The following PCDHA8 variants were observed in gnomAD, a reference collection of about 807,000 sequenced individuals.
The protein encoded by PCDHA8 is protocadherin alpha 8.
Under a neutral mutation model 61.8 loss-of-function variants are expected in PCDHA8, and 53 were observed. That is an observed-to-expected ratio of 0.86 (90% confidence interval 0.69 to 1.08). The LOEUF is 1.08. Among genes scored for constraint, PCDHA8 ranks in the 50% least tolerant of loss-of-function variants. PCDHA8 has a pLI of 0.00. For missense variants in PCDHA8, 1,293 were observed against 1,245.0 expected (o/e 1.04, Z -0.58); for synonymous variants, 618 against 556.6 (o/e 1.11, Z -1.55).
chr5:140,923,566 C>T lies in PCDHA8; in HGVS notation c.2395-55383C>T, dbSNP rs149499154. ...AAATGAAATATCAGCAATGAAAGGT[C>T]CTGCTAAAGAGAAGGTTTGTTAATT... On this transcript the variant is annotated intron_variant, in intron 1 of 3. Coordinates refer to ENST00000531613, the MANE Select transcript of PCDHA8 (RefSeq NM_018911.3). 8.1e-3 allele frequency among the ~76,000 whole-genome samples: 1,228 copies of T among 152,208 alleles called. 6 individuals carry two copies. The highest frequency in any genetic ancestry group is 0.019 in the African/African-American group (794 of 41,538).
At chr5:140,993,459 TTCTCAC>T (rs2097559303) in intron 3 of PCDHA8, among the ~76,000 whole-genome samples, 1 of 83,038 alleles carries the variant, frequency 1.2e-5, no homozygotes, top group African/African-American at 4.6e-5. Context: ...CCTTCTTTCT[TTCTCAC>T]ACACACACAC....
Position 140,841,234 on chromosome 5 carries a change from C to A in PCDHA8, c.-88C>A. On this transcript the variant is annotated 5_prime_UTR_variant, in exon 1 of 4. Coordinates refer to ENST00000531613, the MANE Select transcript of PCDHA8 (RefSeq NM_018911.3). ...TCTAAAGGCCGAACAACGGGAGATG[C>A]AGCGGAATTGGATTAAAAGACTCTG... 6.8e-7 allele frequency: 1 copy of A among 1,471,288 alleles called. No homozygotes were observed. 91.1% of individuals were successfully genotyped at this position (1,471,288 alleles called of 1,614,324 possible). A position where few individuals can be genotyped will look rare whatever the true frequency, so the allele number is the denominator to read the frequency against.
Position 140,869,807 on chromosome 5 carries a change from T to C in PCDHA8, c.2394+26092T>C, listed in dbSNP as rs545569437. ...CGGCTGTTAGTCCAAGTCTTGGATGTCAACGACAATGATCCAGAGTTTGAT... is the reference window on the plus strand; with the variant it reads ...CGGCTGTTAGTCCAAGTCTTGGATGCCAACGACAATGATCCAGAGTTTGAT... On this transcript the variant is annotated intron_variant, in intron 1 of 3. Transcript: ENST00000531613. 8.1e-6 allele frequency: 13 copies of C among 1,612,544 alleles called. No individual in the cohort carries two copies. In the African/African-American group the frequency reaches 1.6e-4, roughly 20 times the overall value.
intron 1 of PCDHA8, chr5:140,863,175 C>T (rs1562576204): frequency 1.4e-6 from 1 of 718,568 alleles, no homozygotes; most frequent in South Asian, 1.3e-5. Context: ...CGCTGACTGC[C>T]ACCGTCACCG....
chr5:140,981,917 A>G (rs1465971302), intron 2 of PCDHA8, among the ~76,000 whole-genome samples: 1 of 152,218 alleles, frequency 6.6e-6, no homozygotes, highest in Non-Finnish European at 1.5e-5. Flanking sequence ...GTGGTGATCA[A>G]GTTTCTCTAG....
At chr5:140,928,868 C>G (rs374918492) in intron 1 of PCDHA8, 32 of 1,614,062 alleles carry the variant, frequency 2.0e-5, no homozygotes, top group Non-Finnish European at 2.6e-5. Context: ...TTGAGCAACT[C>G]TGTCCCTCAG....
chr5:140,926,953 C>T, intron 1 of PCDHA8: 1 of 1,596,706 alleles, frequency 6.3e-7, no homozygotes, highest in Non-Finnish European at 8.6e-7. Flanking sequence ...TGCAGCGGGA[C>T]AGCTCGAGTA....
At chr5:140,998,850 A>G (rs904977478) in intron 3 of PCDHA8, among the ~76,000 whole-genome samples, 18 of 152,234 alleles carry the variant, frequency 1.2e-4, no homozygotes, top group Non-Finnish European at 2.1e-4. Context: ...GGTGTGAGCC[A>G]CATGCCTGGC....
At chr5:140,871,852 T>A (rs767921370) in intron 1 of PCDHA8, among the ~76,000 whole-genome samples, 12 of 152,354 alleles carry the variant, frequency 7.9e-5, no homozygotes, top group African/African-American at 2.4e-4. Flanking sequence ...ATTATGACCA[T>A]AATAACTATG....
At chr5:140,865,342 T>C (rs1437907469) in intron 1 of PCDHA8, 1 of 152,320 alleles carries the variant, frequency 6.6e-6, no homozygotes, top group African/African-American at 2.4e-5. Context: ...AAAGAAATAG[T>C]ATATTTACAT....
chr5:141,009,923 A>T lies in PCDHA8; in HGVS notation c.2839A>T (p.Asn947Tyr), dbSNP rs1463725058. The change falls in exon 4 of 4, where the codon AAC becomes TAC. Residue 947 changes from asparagine (N) to tyrosine (Y), a missense_variant. By Grantham distance (143) the Asn-to-Tyr change is moderately radical. Coordinates refer to ENST00000531613, the MANE Select transcript of PCDHA8 (RefSeq NM_018911.3). ...KKEKGNSTTD[N>Y]SDQ ...AGAGAAAGGGAACAGCACGACTGAC[A>T]ACAGTGACCAGTGAGGTCCTCAAAT... 6.2e-7 allele frequency: 1 copy of T among 1,608,790 alleles called. No homozygotes were observed. The highest frequency in any genetic ancestry group is 8.5e-7 in the Non-Finnish European group (1 of 1,178,528).
chr5:140,957,159 C>G (rs2095337596), intron 1 of PCDHA8, among the ~76,000 whole-genome samples: 1 of 151,974 alleles, frequency 6.6e-6, no homozygotes, highest in Non-Finnish European at 1.5e-5. Flanking sequence ...GGAGACAAAT[C>G]TAAGTATATA....
chr5:140,897,636 C>A (rs2066236074), intron 1 of PCDHA8, among the ~76,000 whole-genome samples: 1 of 152,038 alleles, frequency 6.6e-6, no homozygotes, highest in African/African-American at 2.4e-5. Context: ...GTGTATAGTG[C>A]CACAATAAAC....
intron 1 of PCDHA8, among the ~76,000 whole-genome samples, chr5:140,871,781 T>C (rs2053304252): frequency 6.6e-6 from 1 of 152,238 alleles, no homozygotes. Flanking sequence ...CTGTAGTCAC[T>C]TGAGTAGAAA....
At chr5:140,863,497 C>A in intron 1 of PCDHA8, 1 of 434,948 alleles carries the variant, frequency 2.3e-6, no homozygotes, top group South Asian at 1.8e-5. Context: ...AACATTACGG[C>A]TTTTAGTCCT....
Position 140,842,811 on chromosome 5 carries a change from G to A in PCDHA8, c.1490G>A (p.Arg497Gln). ...NALVSYSLVE[R>Q]RVGERSLSSY... ...CTGGTGTCCTACTCGCTTGTGGAGC[G>A]GCGGGTGGGCGAGCGCTCGCTGTCG... is the stretch of plus-strand genomic sequence containing the variant. Residue 497 changes from arginine to glutamine, a missense_variant, in exon 1 of 4, where the codon CGG becomes CAG. Coordinates refer to ENST00000531613, the MANE Select transcript of PCDHA8 (RefSeq NM_018911.3). 6.3e-7 allele frequency: 1 copy of A among 1,594,024 alleles called. No homozygotes were observed. The highest frequency in any genetic ancestry group is 8.6e-7 in the Non-Finnish European group (1 of 1,165,372).
intron 1 of PCDHA8, among the ~76,000 whole-genome samples, chr5:140,908,581 G>A (rs2074042639): frequency 6.6e-6 from 1 of 152,178 alleles, no homozygotes; most frequent in Non-Finnish European, 1.5e-5. Context: ...AAGGAGAGTA[G>A]TTAGCTGCAG....
intron 1 of PCDHA8, among the ~76,000 whole-genome samples, chr5:140,977,004 A>C (rs1554238156): frequency 6.6e-6 from 1 of 152,222 alleles, no homozygotes; most frequent in East Asian, 1.9e-4. Flanking sequence ...GAAATCTTGT[A>C]ACTGTGATTC....
intron 1 of PCDHA8, among the ~76,000 whole-genome samples, chr5:140,900,662 G>C (rs2068213556): frequency 6.6e-6 from 1 of 152,190 alleles, no homozygotes; most frequent in South Asian, 2.1e-4. Flanking sequence ...ATGAACAATG[G>C]GAGTGCAGTT....
Sources: allele counts gnomAD v4.1 joint callset (sites outside exome capture counted in the v4.1 genomes callset), GRCh38; gene constraint gnomAD v4.1.1; transcripts MANE v1.5; gene names NCBI Gene and HGNC (gene_info 2026-07-23, HGNC 2026-07-21).